The following RPS6KC1 variants were observed in gnomAD, a reference collection of about 807,000 sequenced individuals.
The protein encoded by RPS6KC1 is inactive ribosomal protein S6 kinase delta-1.
RPS6KC1 carries 54 observed loss-of-function variants against 103.8 expected under a neutral mutation model. The ratio of observed to expected loss-of-function variants is 0.52; its 90% CI spans 0.42 to 0.65. The LOEUF is 0.65. Ranked by LOEUF, RPS6KC1 falls within the 30% of genes least tolerant of loss-of-function variation. The probability of loss-of-function intolerance (pLI) is 0.00; values close to 1 mark genes in which losing one functional copy is unlikely to be tolerated. For synonymous variants in RPS6KC1, 439 were observed against 438.7 expected, an observed-to-expected ratio of 1.00 and a Z score of -0.01; for missense variants, 1,151 against 1,253.8, an observed-to-expected ratio of 0.92 and a Z score of 1.24.
the RPS6KC1 span, among the ~76,000 whole-genome samples, chr1:213,302,014 G>C: frequency 6.6e-6 from 1 of 152,050 alleles, no homozygotes; most frequent in African/African-American, 2.4e-5. Flanking sequence ...GGGATTACAG[G>C]CATGAGCCAC....
At position 213,242,238 on chromosome 1, in the gene RPS6KC1, A is replaced by G. The variant is rs2094373271; in HGVS notation, c.2762A>G (p.His921Arg). The G allele has an allele frequency of 1.9e-6, 3 of 1,613,892 alleles. No homozygotes were observed. The highest frequency in any genetic ancestry group is 1.7e-5 in the Admixed American group (1 of 59,970). Residue 921 changes from histidine to arginine, a missense_variant, in exon 11 of 15, where the codon CAT becomes CGT. By Grantham distance (29) the His-to-Arg change is conservative. This residue lies in a region of RPS6KC1 where 189 missense variants were observed against 228.8 expected (regional missense o/e 0.83). Transcript: ENST00000366960. The part of the protein sequence containing the change: ...AEMVVALDAL[H>R]REGIVCRDLN... ...ATGGTGGTAGCCCTTGATGCTTTAC[A>G]TAGAGAGGGAATTGTGTGCCGCGAT...
intron 2 of RPS6KC1, among the ~76,000 whole-genome samples, chr1:213,077,363 T>G (rs1038949234): frequency 6.6e-6 from 1 of 152,212 alleles, no homozygotes; most frequent in African/African-American, 2.4e-5. Flanking sequence ...TTCTCCATAC[T>G]GGGTTGAATA....
chr1:213,550,338 C>T, the RPS6KC1 span, among the ~76,000 whole-genome samples: 1 of 152,184 alleles, frequency 6.6e-6, no homozygotes, highest in Admixed American at 6.5e-5. Flanking sequence ...ACATTTTTCT[C>T]CTAACAGGCT....
At chr1:213,632,137 C>T in the RPS6KC1 span, among the ~76,000 whole-genome samples, 20,649 of 152,162 alleles carry the variant, frequency 0.14, 2,170 homozygotes, top group African/African-American at 0.29. Flanking sequence ...CTTTTATCAG[C>T]GTTTGTTTAT....
At chr1:213,132,549 A>T (rs531761415) in intron 6 of RPS6KC1, among the ~76,000 whole-genome samples, 1 of 152,328 alleles carries the variant, frequency 6.6e-6, no homozygotes, top group Middle Eastern at 3.4e-3. Context: ...ACATATGGAC[A>T]TTGTCCTTCA....
the RPS6KC1 span, among the ~76,000 whole-genome samples, chr1:213,477,873 A>G: frequency 2.0e-5 from 3 of 152,192 alleles, no homozygotes; most frequent in Non-Finnish European, 4.4e-5. Flanking sequence ...TAATATCAAC[A>G]CATTATTACC....
the RPS6KC1 span, among the ~76,000 whole-genome samples, chr1:213,848,639 TATA>T: frequency 6.6e-6 from 1 of 152,186 alleles, no homozygotes; most frequent in Non-Finnish European, 1.5e-5. Context: ...TCATACACTG[TATA>T]ATATTTCTAA....
chr1:213,403,205 C>T, the RPS6KC1 span, among the ~76,000 whole-genome samples: 2 of 152,180 alleles, frequency 1.3e-5, no homozygotes, highest in African/African-American at 4.8e-5. Context: ...TGTGTTTGTT[C>T]CTCTCCATCC....
the RPS6KC1 span, among the ~76,000 whole-genome samples, chr1:213,843,775 G>A: frequency 6.6e-6 from 1 of 152,272 alleles, no homozygotes; most frequent in South Asian, 2.1e-4. Flanking sequence ...TGTTCAATAA[G>A]AGAAAGATGA....
At chr1:213,700,634 A>C in the RPS6KC1 span, among the ~76,000 whole-genome samples, 1 of 151,896 alleles carries the variant, frequency 6.6e-6, no homozygotes, top group Non-Finnish European at 1.5e-5. Context: ...GAATCCATAC[A>C]TTGCTTTGGG....
the RPS6KC1 span, among the ~76,000 whole-genome samples, chr1:213,363,648 TTCTTTCTTTCTTTCTTTCTTTCTTTC>T: frequency 1.4e-5 from 1 of 72,348 alleles, no homozygotes; most frequent in African/African-American, 1.2e-4. Flanking sequence ...CTTTCTTTCT[TTCTTTCTTTCTTTCTTTCTTTCTTTC>T]TTTCTTTCTT....
chr1:213,299,628 A>G, the RPS6KC1 span, among the ~76,000 whole-genome samples: 1 of 151,876 alleles, frequency 6.6e-6, no homozygotes, highest in Non-Finnish European at 1.5e-5. Context: ...TTAAAAATAT[A>G]AAAAGAAATA....
chr1:213,792,936 A>G, the RPS6KC1 span, among the ~76,000 whole-genome samples: 1 of 151,870 alleles, frequency 6.6e-6, no homozygotes, highest in South Asian at 2.1e-4. Context: ...CTGACCAGGT[A>G]GCAGTCTTAT....
intron 12 of RPS6KC1, among the ~76,000 whole-genome samples, chr1:213,261,105 C>T (rs569382158): frequency 1.3e-5 from 2 of 152,052 alleles, no homozygotes; most frequent in East Asian, 1.9e-4. Context: ...CAAGGCATTT[C>T]GTCTCTCTGG....
the RPS6KC1 span, among the ~76,000 whole-genome samples, chr1:213,499,075 C>T: frequency 5.3e-5 from 8 of 152,212 alleles, no homozygotes; most frequent in South Asian, 2.1e-4. Context: ...TCACCGTGCC[C>T]GGCCAGATTA....
At chr1:213,787,323 C>G in the RPS6KC1 span, among the ~76,000 whole-genome samples, 2 of 151,678 alleles carry the variant, frequency 1.3e-5, no homozygotes, top group African/African-American at 4.8e-5. Context: ...AAAGTGAAAG[C>G]TAACATAAAA....
chr1:213,602,806 C>T, the RPS6KC1 span, among the ~76,000 whole-genome samples: 4 of 152,202 alleles, frequency 2.6e-5, no homozygotes, highest in Non-Finnish European at 4.4e-5. Context: ...AGCTCCCTCG[C>T]AGCCTTAGAG....
At chr1:213,450,029 C>T in the RPS6KC1 span, among the ~76,000 whole-genome samples, 2 of 152,172 alleles carry the variant, frequency 1.3e-5, no homozygotes, top group African/African-American at 2.4e-5. Flanking sequence ...AACTAGTTGC[C>T]TTCATGTTTG....
At chr1:213,284,954 T>C in the RPS6KC1 span, among the ~76,000 whole-genome samples, 1 of 152,226 alleles carries the variant, frequency 6.6e-6, no homozygotes, top group African/African-American at 2.4e-5. Context: ...GCCAAGGATT[T>C]TATATCCAGC....
Sources: allele counts gnomAD v4.1 joint callset (sites outside exome capture counted in the v4.1 genomes callset), GRCh38; gene constraint gnomAD v4.1.1; regional missense constraint gnomAD v4.1.1; transcripts MANE v1.5; gene names NCBI Gene and HGNC (gene_info 2026-07-23, HGNC 2026-07-21).